Variants in FMN1 observed in about 807,000 individuals in gnomAD.
FMN1 encodes formin 1.
FMN1 carries 110 observed loss-of-function variants against 132.4 expected under a neutral mutation model. The ratio of observed to expected loss-of-function variants is 0.83; its 90% CI spans 0.71 to 0.97. The LOEUF (loss-of-function observed/expected upper bound fraction) is 0.97. FMN1 is among the 50% of genes least tolerant of loss of function. The pLI is 0.00. For synonymous variants in FMN1, 722 were observed against 651.7 expected (o/e 1.11, Z -1.64); for missense variants, 1,792 against 1,705.3 (o/e 1.05, Z -0.90).
chr15:33,002,603 G>C (rs2034180874), intron 7 of FMN1, among the ~76,000 whole-genome samples: 1 of 152,192 alleles, frequency 6.6e-6, no homozygotes, highest in African/African-American at 2.4e-5. Flanking sequence ...CCTGGCAAAT[G>C]AGAGGTCATG....
chr15:32,879,802 CCT>C (rs1156233681), intron 16 of FMN1, among the ~76,000 whole-genome samples: 1 of 152,158 alleles, frequency 6.6e-6, no homozygotes, highest in East Asian at 1.9e-4. Context: ...AACACACCAG[CCT>C]CTGTCATTGA....
chr15:32,891,489 C>T (rs773993768), intron 15 of FMN1, among the ~76,000 whole-genome samples: 3 of 152,188 alleles, frequency 2.0e-5, no homozygotes, highest in Middle Eastern at 3.2e-3. Context: ...TGATCTGCCT[C>T]GGCATTCCAA....
intron 6 of FMN1, among the ~76,000 whole-genome samples, chr15:33,057,857 A>G (rs1268838990): frequency 6.6e-6 from 1 of 152,204 alleles, no homozygotes; most frequent in Non-Finnish European, 1.5e-5. Flanking sequence ...TGTTATTTAC[A>G]ATTTCCCATC....
Position 33,040,392 on chromosome 15 carries a change from C to T in FMN1, c.2161+24565G>A, listed in dbSNP as rs923599870. On this transcript the variant is annotated intron_variant, in intron 6 of 20. Transcript: ENST00000616417. Reference sequence around the variant, plus strand: ...CCTCTCCCAACCCTACTCTCTGTCACCTAACCCACCTTCACAGTGGCAAAA... The same window carrying T: ...CCTCTCCCAACCCTACTCTCTGTCATCTAACCCACCTTCACAGTGGCAAAA... 3.9e-5 allele frequency among the ~76,000 whole-genome samples: 6 copies of T among 152,284 alleles called. No individual in the cohort carries two copies. In the South Asian group the frequency reaches 1.2e-3, roughly 32 times the overall value.
intron 6 of FMN1, among the ~76,000 whole-genome samples, chr15:33,031,757 A>G (rs1405999455): frequency 6.6e-6 from 1 of 152,162 alleles, no homozygotes; most frequent in African/African-American, 2.4e-5. Flanking sequence ...TGAAATTCAC[A>G]TATTCCCACT....
chr15:33,069,696 T>A (rs1018268749), intron 5 of FMN1, among the ~76,000 whole-genome samples: 1 of 152,206 alleles, frequency 6.6e-6, no homozygotes, highest in Non-Finnish European at 1.5e-5. Context: ...AAACGCATCA[T>A]TGCATCCCAT....
chr15:33,126,857 G>A (rs750657459), intron 4 of FMN1, among the ~76,000 whole-genome samples: 12 of 152,144 alleles, frequency 7.9e-5, no homozygotes, highest in Non-Finnish European at 1.3e-4. Context: ...ACTTTGGGAA[G>A]GAAAACTGAT....
intron 9 of FMN1, among the ~76,000 whole-genome samples, chr15:32,941,820 AT>A (rs896641893): frequency 9.2e-5 from 14 of 151,464 alleles, no homozygotes; most frequent in East Asian, 5.8e-4. Context: ...CAAGATCACC[AT>A]TTTTTTTTAA....
At chr15:33,140,004 A>G (rs922977407) in intron 4 of FMN1, among the ~76,000 whole-genome samples, 11 of 152,112 alleles carry the variant, frequency 7.2e-5, no homozygotes, top group Non-Finnish European at 1.6e-4. Context: ...TGAGGGAGAG[A>G]TATTTTATTT....
rs1239375697 is a variant in FMN1 at position 32,964,119 on chromosome 15, GT to G, written c.3125del (p.Asn1042ThrfsTer21). 1 of 1,609,378 alleles carries G rather than the reference GT, an allele frequency of 6.2e-7. No homozygotes were observed. The highest frequency in any genetic ancestry group is 8.5e-7 in the Non-Finnish European group (1 of 1,178,206). ...KPLSETYEKK[N>X]KVKKIIKLLD... ...AATCACTCAGTACCTTTTTGACCTTGTTTTTCTTCTCATAAGTCTCTGACAG... is the reference window on the plus strand; with the variant it reads ...AATCACTCAGTACCTTTTTGACCTTGTTTTCTTCTCATAAGTCTCTGACAG... On this transcript the variant is annotated frameshift_variant, in exon 9 of 21. Coordinates refer to ENST00000616417, the MANE Select transcript of FMN1 (RefSeq NM_001277313.2). LOFTEE classifies it high-confidence loss of function.
intron 6 of FMN1, among the ~76,000 whole-genome samples, chr15:33,011,660 T>C (rs2034731361): frequency 1.3e-5 from 2 of 152,060 alleles, no homozygotes; most frequent in African/African-American, 4.8e-5. Context: ...CTATCATCAA[T>C]AGAGATAACA....
At chr15:32,929,141 T>G (rs140833498) in intron 9 of FMN1, among the ~76,000 whole-genome samples, 168 of 152,370 alleles carry the variant, frequency 1.1e-3, no homozygotes, top group Admixed American at 2.1e-3. Flanking sequence ...AATCTGATGC[T>G]GATTTCCTAC....
At chr15:33,115,028 GTCC>G (rs1490980023) in intron 4 of FMN1, among the ~76,000 whole-genome samples, 1 of 152,068 alleles carries the variant, frequency 6.6e-6, no homozygotes, top group Non-Finnish European at 1.5e-5. Flanking sequence ...ATTTTATAGA[GTCC>G]TCAAGACTTC....
At chr15:32,823,481 T>C (rs1403011032) in intron 17 of FMN1, among the ~76,000 whole-genome samples, 2 of 152,128 alleles carry the variant, frequency 1.3e-5, no homozygotes, top group African/African-American at 2.4e-5. Context: ...TCTATCGTTA[T>C]TGCCTACACC....
intron 17 of FMN1, among the ~76,000 whole-genome samples, chr15:32,855,373 A>G (rs2059108290): frequency 1.3e-5 from 2 of 152,174 alleles, no homozygotes; most frequent in South Asian, 4.2e-4. Flanking sequence ...TCCCTGTCAT[A>G]AGATCCAGTT....
intron 4 of FMN1, among the ~76,000 whole-genome samples, chr15:33,132,365 G>T (rs1963585873): frequency 6.6e-6 from 1 of 152,150 alleles, no homozygotes. Context: ...CAAGATGAAA[G>T]AATCAGCTAG....
intron 17 of FMN1, among the ~76,000 whole-genome samples, chr15:32,831,373 T>C (rs2058496922): frequency 6.6e-6 from 1 of 152,106 alleles, no homozygotes; most frequent in Non-Finnish European, 1.5e-5. Flanking sequence ...ACCTGGCTAA[T>C]ACCGTTGCTA....
At chr15:33,001,710 C>T (rs1484430069) in intron 7 of FMN1, among the ~76,000 whole-genome samples, 1 of 100,124 alleles carries the variant, frequency 1.0e-5, no homozygotes, top group Admixed American at 1.1e-4. Context: ...CCCCCTTCCC[C>T]CTCCTCCTCC....
At chr15:32,873,271 T>C (rs185329072) in intron 16 of FMN1, among the ~76,000 whole-genome samples, 29 of 152,306 alleles carry the variant, frequency 1.9e-4, no homozygotes, top group Non-Finnish European at 1.5e-4. Context: ...ATTGTCAATT[T>C]TGGGGGAGTA....
Sources: gnomAD v4.1 joint callset for allele counts (sites outside exome capture counted in the v4.1 genomes callset) on GRCh38, gnomAD v4.1.1 for gene constraint, MANE v1.5 for transcripts, NCBI Gene and HGNC (gene_info 2026-07-23, HGNC 2026-07-21) for gene names.